Variants in CFAP77 observed in about 807,000 individuals in gnomAD.
CFAP77 encodes cilia- and flagella-associated protein 77.
In CFAP77, 25 loss-of-function variants were observed where a neutral mutation model predicts 31.1. The observed-to-expected ratio is 0.80, with a 90% CI of 0.59 to 1.12. The LOEUF (loss-of-function observed/expected upper bound fraction) is 1.12. Ranked by LOEUF, CFAP77 falls within the 50% of genes most tolerant of loss-of-function variation. The probability of loss-of-function intolerance (pLI) is 0.00; values close to 1 mark genes in which losing one functional copy is unlikely to be tolerated. For synonymous variants in CFAP77, 151 were observed against 159.9 expected (o/e 0.94, Z 0.42); for missense variants, 377 against 397.3 (o/e 0.95, Z 0.44).
At chr9:132,555,797 G>C (rs906561987) in intron 5 of CFAP77, among the ~76,000 whole-genome samples, 6 of 152,308 alleles carry the variant, frequency 3.9e-5, no homozygotes, top group East Asian at 1.9e-4. Flanking sequence ...CAGAGAAGCA[G>C]AAAGCAGCAA....
Position 132,455,394 on chromosome 9 carries a change from C to T in CFAP77, c.196-43301C>T, listed in dbSNP as rs1336504099. Among the ~76,000 whole-genome samples the T allele has an allele frequency of 6.6e-6, 1 of 151,950 alleles. No individual in the cohort carries two copies. Among genetic ancestry groups the T allele is most frequent in the East Asian group, 1.9e-4 (1 of 5,164 alleles). On this transcript the variant is annotated intron_variant, in intron 1 of 5. Transcript: ENST00000393216. This position sits in a 1 kb window ranked among gnomAD's most constrained non-coding sequence, Gnocchi z 4.1. ...TGGTGGCGGGCACCTGATATCCCAG[C>T]TACTCGGGAGGCTGAGGCAGGGAGG...
rs140616535 is a variant in CFAP77 at position 132,531,630 on chromosome 9, G to C, written c.525-5971G>C. Among the ~76,000 whole-genome samples, 745 of 149,274 alleles carry C rather than the reference G, an allele frequency of 5.0e-3. 17 individuals carry two copies. The highest frequency in any genetic ancestry group is 0.03 in the East Asian group (151 of 4,960). The stretch of plus-strand genomic sequence containing the variant: ...TCTGGGCTTAGGCTAAGACATGGGG[G>C]GGGGGGCATGGAAGGCATTTTAAGC... On this transcript the variant is annotated intron_variant, in intron 3 of 5. Transcript: ENST00000393216.
chr9:132,425,386 C>T (rs758203825), intron 1 of CFAP77, among the ~76,000 whole-genome samples: 22 of 152,078 alleles, frequency 1.4e-4, no homozygotes, highest in South Asian at 2.1e-4. Context: ...TCTCCAACCT[C>T]GCTCCCCAGT....
intron 1 of CFAP77, among the ~76,000 whole-genome samples, chr9:132,425,891 A>G (rs1365537622): frequency 6.6e-6 from 1 of 152,132 alleles, no homozygotes; most frequent in Non-Finnish European, 1.5e-5. Context: ...GAGCCTTGTC[A>G]CTCAGACGGC....
chr9:132,459,683 TATGTGTGC>T (rs1851007711), intron 1 of CFAP77, among the ~76,000 whole-genome samples: 1 of 151,872 alleles, frequency 6.6e-6, no homozygotes, highest in African/African-American at 2.4e-5. Flanking sequence ...TTTATGTGTA[TATGTGTGC>T]ATATGTGTTT....
chr9:132,502,280 GGGA>G (rs767146815), intron 3 of CFAP77, among the ~76,000 whole-genome samples: 10,686 of 145,398 alleles, frequency 0.073, 556 homozygotes, highest in South Asian at 0.15. Context: ...TTTTTTTTGG[GGGA>G]GGGGGGTGGT....
Position 132,537,637 on chromosome 9 carries a change from G to C in CFAP77, c.561G>C (p.Arg187=). 3.7e-6 allele frequency: 6 copies of C among 1,613,430 alleles called. No homozygotes were observed. The highest frequency in any genetic ancestry group is 5.1e-6 in the Non-Finnish European group (6 of 1,179,660). Residue 187 remains arginine, a synonymous_variant, in exon 4 of 6, where the codon CGG becomes CGC. Coordinates refer to ENST00000393216, the MANE Select transcript of CFAP77 (RefSeq NM_001282957.2). ...CCTTCTTTGATCTGCTGCAGCACCGGTACCTGCAGCTGTGGGTACAGGAAC... is the reference window on the plus strand; with the variant it reads ...CCTTCTTTGATCTGCTGCAGCACCGCTACCTGCAGCTGTGGGTACAGGAAC... ...STPFFDLLQH[R]YLQLWVQEQK...
At chr9:132,419,565 A>G (rs12352507) in intron 1 of CFAP77, among the ~76,000 whole-genome samples, 2,604 of 152,352 alleles carry the variant, frequency 0.017, 78 homozygotes, top group African/African-American at 0.059. Context: ...TTACTGGACA[A>G]TAGTGAATTT....
Position 132,545,144 on chromosome 9 carries a change from G to A in CFAP77, c.732+2097G>A, listed in dbSNP as rs933268100. On this transcript the variant is annotated intron_variant, in intron 5 of 5. Coordinates refer to ENST00000393216, the MANE Select transcript of CFAP77 (RefSeq NM_001282957.2). This position sits in a 1 kb window ranked among gnomAD's most constrained non-coding sequence, Gnocchi z 4.6. ...ATGAGTTTCCATTTTCCAAAGAGGG[G>A]ATTTGACTCAGCTGACCATGGGTCT... Among the ~76,000 whole-genome samples, 1 of 152,224 alleles carries A rather than the reference G, an allele frequency of 6.6e-6. No homozygotes were observed. Among genetic ancestry groups the A allele is most frequent in the Non-Finnish European group, 1.5e-5 (1 of 68,048 alleles).
At chr9:132,417,703 G>A (rs143083655) in intron 1 of CFAP77, among the ~76,000 whole-genome samples, 7 of 152,294 alleles carry the variant, frequency 4.6e-5, no homozygotes, top group African/African-American at 1.7e-4. Flanking sequence ...GTGCAGGCAG[G>A]GTCTGGCCCA....
Position 132,551,526 on chromosome 9 carries a change from C to A in CFAP77, c.732+8479C>A, listed in dbSNP as rs146680630. ...GGCCAGGCTGGTCTCGAACTCCTGG[C>A]CTCCAGTGATCCGCCCACCTTGGCC... On this transcript the variant is annotated intron_variant, in intron 5 of 5. Transcript: ENST00000393216. Among the ~76,000 whole-genome samples, 1,152 of 152,210 alleles carry A rather than the reference C, an allele frequency of 7.6e-3. 18 individuals are homozygous for A. The highest frequency in any genetic ancestry group is 0.026 in the African/African-American group (1,090 of 41,528).
chr9:132,410,286 G>T lies in CFAP77; in HGVS notation c.15G>T (p.Arg5Ser). 1 of 1,580,622 alleles carries T rather than the reference G, an allele frequency of 6.3e-7. No individual in the cohort carries two copies. The highest frequency in any genetic ancestry group is 2.4e-5 in the East Asian group (1 of 41,680). ...CGACCTCAAGGATGCCAGAGGCCAG[G>T]AGCTCCGGCCCGGACCTCACGCGAT... MPEA[R>S]SSGPDLTRWR... Residue 5 changes from arginine (R) to serine (S), a missense_variant, in exon 1 of 6, where the codon AGG becomes AGT. Coordinates refer to ENST00000393216, the MANE Select transcript of CFAP77 (RefSeq NM_001282957.2).
At chr9:132,446,697 C>T (rs1850724418) in intron 1 of CFAP77, among the ~76,000 whole-genome samples, 2 of 141,624 alleles carry the variant, frequency 1.4e-5, no homozygotes, top group Non-Finnish European at 3.0e-5. Flanking sequence ...GCAGAGATCA[C>T]ACCACTGCAC....
chr9:132,520,323 T>G (rs893558339), intron 3 of CFAP77, among the ~76,000 whole-genome samples: 3 of 152,134 alleles, frequency 2.0e-5, no homozygotes, highest in African/African-American at 7.2e-5. Context: ...TTTGACAAAT[T>G]TATACACCTG....
At chr9:132,567,377 C>T (rs563609078) in intron 5 of CFAP77, among the ~76,000 whole-genome samples, 15 of 152,194 alleles carry the variant, frequency 9.9e-5, no homozygotes, top group Non-Finnish European at 1.0e-4. Flanking sequence ...TCTGCTTCAG[C>T]GAAGTTTCTA....
At chr9:132,567,753 C>T (rs1414193036) in intron 5 of CFAP77, among the ~76,000 whole-genome samples, 1 of 152,180 alleles carries the variant, frequency 6.6e-6, no homozygotes, top group African/African-American at 2.4e-5. Flanking sequence ...GCTCTAGGGA[C>T]AATCCTCCCT....
rs974610675 is a variant in CFAP77, at chr9:132,517,625, A to G, written c.524+18025A>G. Among the ~76,000 whole-genome samples the G allele has an allele frequency of 6.6e-6, 1 of 152,218 alleles. No individual in the cohort carries two copies. The highest frequency in any genetic ancestry group is 1.5e-5 in the Non-Finnish European group (1 of 68,038). On this transcript the variant is annotated intron_variant, in intron 3 of 5. Transcript: ENST00000393216. The surrounding 1 kb of genome is among the most constrained non-coding windows in gnomAD (Gnocchi z 4.7). ...TCCTCCAGCTTCCTCTCTTCCGCCA[A>G]GTTCTCCAGCTCCACAAAGTTTTAA...
chr9:132,560,646 A>T (rs1852980202), intron 5 of CFAP77, among the ~76,000 whole-genome samples: 1 of 152,214 alleles, frequency 6.6e-6, no homozygotes. Context: ...CAGTCAGTCC[A>T]TGGAGCACAG....
At chr9:132,509,163 A>G (rs578832) in intron 3 of CFAP77, among the ~76,000 whole-genome samples, 61,222 of 152,112 alleles carry the variant, frequency 0.4, 12,884 homozygotes, top group African/African-American at 0.52. Flanking sequence ...CCTGTGCAGC[A>G]GACGCCCGTC....
Sources: allele counts gnomAD v4.1 joint callset (sites outside exome capture counted in the v4.1 genomes callset), GRCh38; gene constraint gnomAD v4.1.1; non-coding constraint Gnocchi (gnomAD v3.1); transcripts MANE v1.5; gene names NCBI Gene and HGNC (gene_info 2026-07-23, HGNC 2026-07-21).